The following RYR1 variants were observed in gnomAD, a reference collection of about 807,000 sequenced individuals.
RYR1 encodes ryanodine receptor 1, also known as central core disease of muscle.
In RYR1, 342 loss-of-function variants were observed where a neutral mutation model predicts 583.5. That is an observed-to-expected ratio of 0.59 (90% CI 0.54 to 0.64). RYR1 has a LOEUF of 0.64. Among genes scored for constraint, RYR1 ranks in the 30% least tolerant of loss-of-function variants. RYR1 has a pLI of 0.00. For missense variants in RYR1, 6,032 were observed against 6,917.2 expected (o/e 0.87, Z 4.54); for synonymous variants, 2,791 against 2,822.5 (o/e 0.99, Z 0.35).
At chr19:38,498,994 C>T (rs1969972138) in intron 42 of RYR1, 114 bp from the exon 43 acceptor site, 2 of 1,398,834 alleles carry the variant, frequency 1.4e-6, no homozygotes, top group Admixed American at 2.1e-5. Flanking sequence ...GCCGAGGGAT[C>T]AGAGCTGAAC....
chr19:38,537,208 A>T (rs1396239205), intron 83 of RYR1: 1 of 261,748 alleles, frequency 3.8e-6, no homozygotes, highest in Admixed American at 4.8e-5. Context: ...TGCCTCCGGC[A>T]TCCACTCTGA....
intron 57 of RYR1, 107 bp from the exon 58 acceptor site, chr19:38,507,605 C>A: frequency 1.3e-6 from 1 of 787,884 alleles, no homozygotes; most frequent in Non-Finnish European, 2.3e-6. Context: ...GGGGTGAAGC[C>A]AAAGCTGATA....
In RYR1 at chr19:38,502,865, T is replaced by G. The variant is rs1970252209; in HGVS notation, c.7836-15T>G. On this transcript the variant is annotated splice_polypyrimidine_tract_variant and intron_variant, in intron 48 of 105. Transcript: ENST00000359596. ...CCTGGACGGGGGATTCTACATCTTG[T>G]GCATTGTCCCGCAGGTACATCCGCC... 6.2e-7 allele frequency: 1 copy of G among 1,608,370 alleles called. No homozygotes were observed. Among genetic ancestry groups the G allele is most frequent in the Non-Finnish European group, 8.5e-7 (1 of 1,179,616 alleles).
At chr19:38,566,421 C>A (rs1478145212) in intron 91 of RYR1, among the ~76,000 whole-genome samples, 1 of 135,736 alleles carries the variant, frequency 7.4e-6, no homozygotes, top group East Asian at 2.3e-4. Flanking sequence ...TGCACTCCAG[C>A]CTGGGCGACA....
At chr19:38,557,761 G>A (rs955807983) in intron 89 of RYR1, among the ~76,000 whole-genome samples, 4 of 150,544 alleles carry the variant, frequency 2.7e-5, no homozygotes, top group African/African-American at 9.8e-5. Context: ...CCAAGATCGC[G>A]TCATTGCACT....
At chr19:38,529,403 C>G (rs1183243881) in intron 76 of RYR1, among the ~76,000 whole-genome samples, 1 of 152,146 alleles carries the variant, frequency 6.6e-6, no homozygotes, top group Middle Eastern at 3.2e-3. Flanking sequence ...TCGCTTGAAC[C>G]TGGGAGGCGG....
rs545701031 is a variant in RYR1, at chr19:38,532,554, C to T, written c.11193+13C>T. On this transcript the variant is annotated intron_variant, in intron 77 of 105. Transcript: ENST00000359596. Reference sequence around the variant, plus strand: ...TATCATGGCAAAGGTGAGGCCCTACCCCCCTCTTCTGGGGCAGATTTCCCT... The same window carrying T: ...TATCATGGCAAAGGTGAGGCCCTACTCCCCTCTTCTGGGGCAGATTTCCCT... The T allele has an allele frequency of 6.2e-7, 1 of 1,614,014 alleles. No individual in the cohort carries two copies. Among genetic ancestry groups the T allele is most frequent in the Non-Finnish European group, 8.5e-7 (1 of 1,180,008 alleles).
intron 73 of RYR1, 100 bp from the exon 74 acceptor site, chr19:38,528,206 C>G (rs1421797289): frequency 2.0e-6 from 2 of 990,256 alleles, no homozygotes. Context: ...TGAGTCTTAA[C>G]CTGAATATGG....
intron 82 of RYR1, among the ~76,000 whole-genome samples, 186 bp downstream of exon 82, chr19:38,536,256 C>T (rs1227914030): frequency 1.5e-5 from 2 of 130,526 alleles, no homozygotes; most frequent in African/African-American, 6.1e-5. Context: ...TGGGGTCTCC[C>T]TCCCCATGTC....
intron 96 of RYR1, among the ~76,000 whole-genome samples, chr19:38,575,123 G>T (rs949740814): frequency 1.3e-5 from 2 of 152,100 alleles, no homozygotes; most frequent in Admixed American, 6.6e-5. Flanking sequence ...TGAATAAAGG[G>T]CCAGAATCAT....
chr19:38,455,118 A>C (rs908300236), intron 13 of RYR1, 117 bp from the exon 14 acceptor site: 44 of 1,245,896 alleles, frequency 3.5e-5, no homozygotes, highest in Non-Finnish European at 5.1e-5. Flanking sequence ...GCTGATTTAG[A>C]TCTGGGAACA....
Position 38,578,169 on chromosome 19 carries a change from C to T in RYR1, c.14329C>T (p.Gln4777Ter). 6.2e-7 allele frequency: 1 copy of T among 1,613,738 alleles called. No individual in the cohort carries two copies. Among genetic ancestry groups the T allele is most frequent in the Non-Finnish European group, 8.5e-7 (1 of 1,179,876 alleles). Residue 4777 changes from glutamine (Q) to a stop codon, truncating the protein, a stop_gained, in exon 99 of 106, where the codon CAG (glutamine) becomes TAG (stop). Coordinates refer to ENST00000359596, the MANE Select transcript of RYR1 (RefSeq NM_000540.3). LOFTEE classifies it high-confidence loss of function. ...GCTCATGTCCATCGATGTCAAGTAC[C>T]AGATCTGGAAGTTCGGGGTCATCTT... ...TWLMSIDVKYQIWKFGVIFTD... is the reference protein window; with the variant it reads ...TWLMSIDVKY
intron 78 of RYR1, among the ~76,000 whole-genome samples, chr19:38,534,104 C>G (rs889367180): frequency 4.6e-5 from 7 of 151,314 alleles, no homozygotes; most frequent in Non-Finnish European, 8.8e-5. Flanking sequence ...CTCCACCTCC[C>G]GGGTTCAAGC....
chr19:38,550,260 T>C (rs1972610217), intron 89 of RYR1, among the ~76,000 whole-genome samples: 1 of 152,114 alleles, frequency 6.6e-6, no homozygotes, highest in East Asian at 1.9e-4. Flanking sequence ...CCAGGGATTG[T>C]ATTTAGGTGT....
intron 95 of RYR1, among the ~76,000 whole-genome samples, chr19:38,572,918 C>T (rs1458435600): frequency 2.7e-5 from 4 of 150,384 alleles, no homozygotes; most frequent in East Asian, 3.9e-4. Flanking sequence ...CCGGCCCTGA[C>T]CCCTCTATCT....
intron 102 of RYR1, among the ~76,000 whole-genome samples, chr19:38,585,683 A>G (rs935567437): frequency 1.3e-5 from 2 of 151,836 alleles, no homozygotes; most frequent in Admixed American, 6.6e-5. Flanking sequence ...GGGTTTCACC[A>G]TGTTGGCCAG....
Position 38,485,591 on chromosome 19 carries a change from T to G in RYR1, c.4936T>G (p.Cys1646Gly). The change falls in exon 34 of 106, where the codon TGC (cysteine) becomes GGC (glycine). Residue 1646 changes from cysteine to glycine, a missense_variant and splice_region_variant. Coordinates refer to ENST00000359596, the MANE Select transcript of RYR1 (RefSeq NM_000540.3). ...GTCTGTTTCCCACCTCTGCTGCAGG[T>G]GCATGGACATCCTGGAGCTGTCGGA... Reference protein sequence around the residue: ...MALHIPEENRCMDILELSERL... With the variant: ...MALHIPEENRGMDILELSERL... 1 of 1,608,760 alleles carries G rather than the reference T, an allele frequency of 6.2e-7. No individual in the cohort carries two copies.
intron 28 of RYR1, 50 bp downstream of exon 28, chr19:38,473,821 C>T: frequency 7.2e-7 from 1 of 1,383,208 alleles, no homozygotes; most frequent in African/African-American, 1.5e-5. Flanking sequence ...CTTGGGACCC[C>T]CAAGTAGGCA....
rs71165555 is a variant in RYR1, at chr19:38,520,693, C to CAAAAAAAAAAAAAAAAAAAA, written c.10259+1246_10259+1265dup. ...CTAGGAACAGAGCGAGGCTCCACCT[C>CAAAAAAAAAAAAAAAAAAAA]AAAAAAAAAAAAAAAAAAAAAAAAA... On this transcript the variant is annotated intron_variant, in intron 67 of 105. Coordinates refer to ENST00000359596, the MANE Select transcript of RYR1 (RefSeq NM_000540.3). Among the ~76,000 whole-genome samples, 87 of 46,894 alleles carry CAAAAAAAAAAAAAAAAAAAA rather than the reference C, an allele frequency of 1.9e-3. 5 individuals are homozygous for CAAAAAAAAAAAAAAAAAAAA. Among genetic ancestry groups the CAAAAAAAAAAAAAAAAAAAA allele is most frequent in the South Asian group, 3.1e-3 (2 of 648 alleles). The allele number at this position is 46,894 out of a possible 152,430, so 30.8% of individuals were successfully genotyped here.
Sources: allele counts gnomAD v4.1 joint callset (sites outside exome capture counted in the v4.1 genomes callset), GRCh38; gene constraint gnomAD v4.1.1; transcripts MANE v1.5; gene names NCBI Gene and HGNC (gene_info 2026-07-23, HGNC 2026-07-21).